Variants in EXOC4 observed in about 807,000 individuals in gnomAD.
The protein encoded by EXOC4 is exocyst complex component 4.
In EXOC4, 71 loss-of-function variants were observed where a neutral mutation model predicts 107.2. The observed-to-expected ratio is 0.66, with a 90% CI of 0.55 to 0.81. EXOC4 has a LOEUF of 0.81. EXOC4 is among the 30% of genes least tolerant of loss of function. The pLI, the probability that EXOC4 is intolerant of heterozygous loss-of-function variation, is 0.00. For missense variants in EXOC4, 1,108 were observed against 1,189.6 expected, an observed-to-expected ratio of 0.93 and a Z score of 1.01; for synonymous variants, 456 against 441.2, an observed-to-expected ratio of 1.03 and a Z score of -0.42.
the EXOC4 span, among the ~76,000 whole-genome samples, chr7:134,099,791 C>G: frequency 6.6e-6 from 1 of 152,284 alleles, no homozygotes; most frequent in African/African-American, 2.4e-5. Flanking sequence ...ACTGCAACCT[C>G]CACCTCCTGG....
intron 2 of EXOC4, among the ~76,000 whole-genome samples, chr7:133,278,525 C>G (rs1375727794): frequency 6.6e-6 from 1 of 152,092 alleles, no homozygotes; most frequent in African/African-American, 2.4e-5. Context: ...GGAAGAGTGT[C>G]AGGAAGAGCA....
At chr7:133,393,457 C>T (rs1420417163) in intron 7 of EXOC4, among the ~76,000 whole-genome samples, 1 of 152,148 alleles carries the variant, frequency 6.6e-6, no homozygotes. Context: ...ATACTCTATA[C>T]ATATCTATTG....
chr7:133,255,317 T>C (rs1488480738), intron 1 of EXOC4, among the ~76,000 whole-genome samples: 3 of 152,050 alleles, frequency 2.0e-5, no homozygotes, highest in East Asian at 1.9e-4. Flanking sequence ...GCTGGGATTA[T>C]AGGCGTGCGC....
intron 13 of EXOC4, among the ~76,000 whole-genome samples, chr7:133,924,685 A>G (rs1183432026): frequency 6.6e-6 from 1 of 152,248 alleles, no homozygotes; most frequent in African/African-American, 2.4e-5. Context: ...AGATCAAAAT[A>G]TACAATTTTT....
chr7:133,712,439 C>A (rs1431388850), intron 10 of EXOC4, among the ~76,000 whole-genome samples: 1 of 30,196 alleles, frequency 3.3e-5, no homozygotes, highest in Admixed American at 5.9e-4. Flanking sequence ...AACTCTGTCT[C>A]AAAAAAAAAA....
At chr7:133,304,629 G>A (rs1794712610) in intron 3 of EXOC4, among the ~76,000 whole-genome samples, 1 of 152,170 alleles carries the variant, frequency 6.6e-6, no homozygotes, top group Admixed American at 6.5e-5. Context: ...AGGTTTCTCT[G>A]TTCACTGTCC....
At chr7:133,326,174 A>G (rs1435998503) in intron 5 of EXOC4, among the ~76,000 whole-genome samples, 1 of 152,164 alleles carries the variant, frequency 6.6e-6, no homozygotes, top group Non-Finnish European at 1.5e-5. Flanking sequence ...CCTTTAGCTC[A>G]GAGAAGTTTG....
chr7:133,943,996 G>A (rs2116757976), intron 14 of EXOC4, among the ~76,000 whole-genome samples: 2 of 152,106 alleles, frequency 1.3e-5, no homozygotes, highest in Non-Finnish European at 2.9e-5. Flanking sequence ...AAATTTTGTT[G>A]TATAATATTT....
intron 10 of EXOC4, among the ~76,000 whole-genome samples, chr7:133,810,596 C>CTAT (rs1797201072): frequency 9.6e-6 from 1 of 103,862 alleles, no homozygotes; most frequent in African/African-American, 3.4e-5. Context: ...CCATGCTTTG[C>CTAT]TTTATTTTAT....
chr7:133,670,937 G>A (rs757484332), intron 10 of EXOC4, among the ~76,000 whole-genome samples: 5 of 152,110 alleles, frequency 3.3e-5, no homozygotes, highest in Non-Finnish European at 7.3e-5. Flanking sequence ...AAAATAAAGC[G>A]GGCTAAGGAG....
chr7:133,455,581 T>C (rs1470853126), intron 7 of EXOC4, among the ~76,000 whole-genome samples: 1 of 152,208 alleles, frequency 6.6e-6, no homozygotes, highest in Non-Finnish European at 1.5e-5. Flanking sequence ...CTGTTTATTA[T>C]AGAGAGTTCT....
chr7:133,882,326 G>A (rs1798983004), intron 11 of EXOC4, among the ~76,000 whole-genome samples: 1 of 152,212 alleles, frequency 6.6e-6, no homozygotes, highest in South Asian at 2.1e-4. Context: ...CCAAACTACA[G>A]AGCATAGCAT....
chr7:133,753,303 T>G (rs542837126), intron 10 of EXOC4, among the ~76,000 whole-genome samples: 2 of 152,350 alleles, frequency 1.3e-5, no homozygotes, highest in East Asian at 3.9e-4. Flanking sequence ...CTGAATCTGC[T>G]ACCTTACTGT....
chr7:133,373,567 T>C (rs1484115124), intron 6 of EXOC4, among the ~76,000 whole-genome samples: 1 of 152,184 alleles, frequency 6.6e-6, no homozygotes, highest in Admixed American at 6.5e-5. Context: ...GAATAGATAA[T>C]ATGTTGTATG....
intron 14 of EXOC4, among the ~76,000 whole-genome samples, chr7:133,990,794 G>A (rs767692297): frequency 6.6e-6 from 1 of 152,046 alleles, no homozygotes; most frequent in Non-Finnish European, 1.5e-5. Flanking sequence ...ATTCCATTGT[G>A]TATATCTACC....
At chr7:133,894,230 A>T (rs1799250461) in intron 11 of EXOC4, among the ~76,000 whole-genome samples, 2 of 83,736 alleles carry the variant, frequency 2.4e-5, no homozygotes, top group South Asian at 6.4e-4. Flanking sequence ...TTGGCTCCTG[A>T]GGCTTCTGCA....
intron 5 of EXOC4, among the ~76,000 whole-genome samples, chr7:133,345,656 G>A (rs540449489): frequency 1.6e-4 from 24 of 152,152 alleles, no homozygotes; most frequent in Admixed American, 9.2e-4. Flanking sequence ...CCTAATAGAG[G>A]TTTTTACTCT....
rs774395151 is a variant in EXOC4 at position 133,787,955 on chromosome 7, T to TTTTTTA, written c.1515-29369_1515-29368insTTTTAT. On this transcript the variant is annotated intron_variant, in intron 10 of 17. Transcript: ENST00000253861. ...AGATACTTCTTCCCTGTGCATATAT[T>TTTTTTA]TATATATTTATATATATATATATAT... Among the ~76,000 whole-genome samples, 12 of 31,640 alleles carry TTTTTTA rather than the reference T, an allele frequency of 3.8e-4. 1 individual carries two copies. Among genetic ancestry groups the TTTTTTA allele is most frequent in the East Asian group, 4.0e-3 (2 of 494 alleles). The allele number at this position is 31,640 out of a possible 152,430, so 20.8% of individuals were successfully genotyped here. A position where few individuals can be genotyped will look rare whatever the true frequency, so the allele number is the denominator to read the frequency against.
At chr7:133,852,694 C>T (rs554454775) in intron 11 of EXOC4, among the ~76,000 whole-genome samples, 1 of 152,248 alleles carries the variant, frequency 6.6e-6, no homozygotes, top group East Asian at 1.9e-4. Context: ...TTCTAAAATC[C>T]TTTCCCCCGC....
Sources: gnomAD v4.1 joint callset for allele counts (sites outside exome capture counted in the v4.1 genomes callset) on GRCh38, gnomAD v4.1.1 for gene constraint, MANE v1.5 for transcripts, NCBI Gene and HGNC (gene_info 2026-07-23, HGNC 2026-07-21) for gene names.